PLD5: variants seen among roughly 807,000 people sequenced by gnomAD.
PLD5 encodes the protein phospholipase D family member 5.
PLD5 carries 36 observed loss-of-function variants against 61.1 expected under a neutral mutation model. The ratio of observed to expected loss-of-function variants is 0.59; its 90% CI spans 0.45 to 0.78. The LOEUF is 0.78. Among genes scored for constraint, PLD5 ranks in the 30% least tolerant of loss-of-function variants. PLD5 has a pLI of 0.00. For missense variants in PLD5, 515 were observed against 644.4 expected, an observed-to-expected ratio of 0.80 and a Z score of 2.17; for synonymous variants, 243 against 242.8, an observed-to-expected ratio of 1.00 and a Z score of -0.01.
intron 2 of PLD5, among the ~76,000 whole-genome samples, chr1:242,310,542 T>C (rs1676640314): frequency 6.6e-6 from 1 of 152,132 alleles, no homozygotes; most frequent in African/African-American, 2.4e-5. Context: ...CACCACTTAG[T>C]TTTCTTGCAC....
chr1:242,126,655 C>A (rs183000782), intron 5 of PLD5, among the ~76,000 whole-genome samples: 57 of 152,288 alleles, frequency 3.7e-4, no homozygotes, highest in Admixed American at 2.8e-3. Flanking sequence ...CTACAAAAAT[C>A]AACTCAAGGT....
At chr1:242,148,012 CTTAATTTTGA>C (rs1263828000) in intron 5 of PLD5, among the ~76,000 whole-genome samples, 1 of 152,108 alleles carries the variant, frequency 6.6e-6, no homozygotes, top group East Asian at 1.9e-4. Context: ...ACAAACAGTA[CTTAATTTTGA>C]TAAAATTCAA....
chr1:242,389,426 A>G (rs1304995139), intron 1 of PLD5, among the ~76,000 whole-genome samples: 6 of 152,122 alleles, frequency 3.9e-5, no homozygotes, highest in Non-Finnish European at 7.4e-5. Flanking sequence ...TAATAAGTAT[A>G]TATCTCTCTT....
intron 1 of PLD5, among the ~76,000 whole-genome samples, chr1:242,419,576 T>TG (rs1294758672): frequency 1.4e-5 from 2 of 144,804 alleles, no homozygotes; most frequent in African/African-American, 5.1e-5. Context: ...TTTTGCATTT[T>TG]TTTTTTTTTT....
intron 1 of PLD5, among the ~76,000 whole-genome samples, chr1:242,422,621 T>C (rs770542439): frequency 6.6e-6 from 1 of 152,138 alleles, no homozygotes; most frequent in African/African-American, 2.4e-5. Context: ...TGGGAAATGA[T>C]TTTGCAAGGA....
intron 5 of PLD5, among the ~76,000 whole-genome samples, chr1:242,128,732 G>C (rs995535849): frequency 1.3e-5 from 2 of 152,106 alleles, no homozygotes; most frequent in African/African-American, 4.8e-5. Flanking sequence ...AGAAACTAGA[G>C]AGAGACCAAT....
chr1:242,290,780 GCA>G (rs1308152439), intron 2 of PLD5, among the ~76,000 whole-genome samples: 4 of 151,060 alleles, frequency 2.6e-5, no homozygotes, highest in Non-Finnish European at 4.4e-5. Context: ...AGATTTTCTT[GCA>G]AAACCAACAT....
At chr1:242,106,136 A>C (rs1313268777) in intron 8 of PLD5, among the ~76,000 whole-genome samples, 1 of 152,102 alleles carries the variant, frequency 6.6e-6, no homozygotes, top group Non-Finnish European at 1.5e-5. Context: ...TGGGCCTCCA[A>C]GCCTTCCCTT....
At chr1:242,107,510 T>TC in intron 8 of PLD5, among the ~76,000 whole-genome samples, 161 bp downstream of exon 8, 1 of 152,354 alleles carries the variant, frequency 6.6e-6, no homozygotes, top group African/African-American at 2.4e-5. Flanking sequence ...TACTCTTTTT[T>TC]TCGTATGTGA....
intron 4 of PLD5, among the ~76,000 whole-genome samples, chr1:242,249,279 CT>C (rs1157161917): frequency 6.6e-6 from 1 of 152,204 alleles, no homozygotes; most frequent in African/African-American, 2.4e-5. Context: ...CTCTTTTGCC[CT>C]TCCACCTTCT....
At chr1:242,461,364 C>T (rs1572190981) in intron 1 of PLD5, among the ~76,000 whole-genome samples, 1 of 152,274 alleles carries the variant, frequency 6.6e-6, no homozygotes, top group East Asian at 1.9e-4. Flanking sequence ...TGCTGGGACT[C>T]TGTTGGAGGT....
intron 5 of PLD5, among the ~76,000 whole-genome samples, chr1:242,186,339 T>C (rs1334845834): frequency 6.6e-6 from 1 of 152,070 alleles, no homozygotes; most frequent in Non-Finnish European, 1.5e-5. Flanking sequence ...TCTGCCACCA[T>C]GCCCAGTTAA....
intron 1 of PLD5, among the ~76,000 whole-genome samples, chr1:242,394,431 TGA>T (rs1414128589): frequency 3.7e-5 from 4 of 108,162 alleles, no homozygotes; most frequent in African/African-American, 1.6e-4. Flanking sequence ...TGTGTGTATA[TGA>T]GTATATATGT....
At chr1:242,258,247 C>G (rs989226536) in intron 4 of PLD5, among the ~76,000 whole-genome samples, 1 of 152,150 alleles carries the variant, frequency 6.6e-6, no homozygotes, top group African/African-American at 2.4e-5. Context: ...TCTGTAAAGA[C>G]CCCCACATTT....
intron 5 of PLD5, among the ~76,000 whole-genome samples, chr1:242,150,051 C>T (rs985406782): frequency 6.6e-6 from 1 of 151,756 alleles, no homozygotes; most frequent in Non-Finnish European, 1.5e-5. Flanking sequence ...TCACTCAAAT[C>T]AAAATATTCA....
intron 2 of PLD5, among the ~76,000 whole-genome samples, chr1:242,335,493 G>A (rs1343357228): frequency 6.6e-6 from 1 of 152,100 alleles, no homozygotes; most frequent in Non-Finnish European, 1.5e-5. Context: ...TAAATAATGT[G>A]AAAATCAAGT....
chr1:242,220,895 C>G (rs1417021371), intron 4 of PLD5, among the ~76,000 whole-genome samples: 1 of 152,072 alleles, frequency 6.6e-6, no homozygotes, highest in East Asian at 1.9e-4. Flanking sequence ...TGCCACTATG[C>G]CCGGCTAATT....
At chr1:242,481,817 G>T (rs1386754392) in intron 1 of PLD5, among the ~76,000 whole-genome samples, 1 of 152,190 alleles carries the variant, frequency 6.6e-6, no homozygotes, top group East Asian at 1.9e-4. Flanking sequence ...CCTAGTAGGG[G>T]CAGACTGACA....
In PLD5 at chr1:242,300,987, G is replaced by A. The variant is rs566840823; in HGVS notation, c.327-12457C>T. Among the ~76,000 whole-genome samples, 347 of 152,284 alleles carry A rather than the reference G, an allele frequency of 2.3e-3. 2 individuals carry two copies. The highest frequency in any genetic ancestry group is 3.6e-3 in the Non-Finnish European group (242 of 68,020). ...TTCAAGGATGCTTGTGTGATGTCAC[G>A]CGAGCTTGCCTTTCATCTTTCTCCA... On this transcript the variant is annotated intron_variant, in intron 2 of 9. Transcript: ENST00000536534.
Sources: allele counts gnomAD v4.1 joint callset (sites outside exome capture counted in the v4.1 genomes callset), GRCh38; gene constraint gnomAD v4.1.1; transcripts MANE v1.5; gene names NCBI Gene and HGNC (gene_info 2026-07-23, HGNC 2026-07-21).